Variants in PRKDC observed in about 807,000 individuals in gnomAD.
PRKDC encodes protein kinase, DNA-activated, catalytic subunit.
Under a neutral mutation model 486.9 loss-of-function variants are expected in PRKDC, and 82 were observed. The observed-to-expected ratio is 0.17, with a 90% CI of 0.14 to 0.20. The LOEUF (loss-of-function observed/expected upper bound fraction) is 0.20, where lower values mean the gene tolerates loss of function less well. Ranked by LOEUF, PRKDC falls within the 10% of genes least tolerant of loss-of-function variation. PRKDC has a pLI of 1.00. For missense variants in PRKDC, 4,504 were observed against 5,038.2 expected (o/e 0.89, Z 3.21); for synonymous variants, 1,895 against 1,837.0 (o/e 1.03, Z -0.81).
rs763608956 is a variant in PRKDC at position 47,789,059 on chromosome 8, G to A, written c.10759-10C>T. ...CATCATTGCTCCAATCCTGTCAGGGGAAAAAAAAAGTAAGAAAAAAATCAA... is the reference window on the plus strand; with the variant it reads ...CATCATTGCTCCAATCCTGTCAGGGAAAAAAAAAAGTAAGAAAAAAATCAA... On this transcript the variant is annotated splice_polypyrimidine_tract_variant and intron_variant, in intron 75 of 85. Coordinates refer to ENST00000314191, the MANE Select transcript of PRKDC (RefSeq NM_006904.7). 13 of 1,596,188 alleles carry A rather than the reference G, an allele frequency of 8.1e-6. No individual in the cohort carries two copies. The highest frequency in any genetic ancestry group is 1.4e-5 in the African/African-American group (1 of 73,632).
At chr8:47,945,597 C>T (rs973476196) in intron 7 of PRKDC, among the ~76,000 whole-genome samples, 2 of 152,238 alleles carry the variant, frequency 1.3e-5, no homozygotes, top group African/African-American at 4.8e-5. Flanking sequence ...CTTTTTAAGT[C>T]TAAGTAATGT....
intron 30 of PRKDC, 108 bp downstream of exon 30, chr8:47,897,053 A>G: frequency 8.3e-7 from 1 of 1,211,898 alleles, no homozygotes; most frequent in Non-Finnish European, 1.1e-6. Flanking sequence ...ATCTTAACTG[A>G]ATACCATGTT....
intron 7 of PRKDC, among the ~76,000 whole-genome samples, chr8:47,950,230 C>G (rs1479603550): frequency 8.6e-5 from 13 of 151,184 alleles, no homozygotes; most frequent in Non-Finnish European, 1.9e-4. Context: ...CAAGATCGCG[C>G]CATTGCACTC....
At position 47,794,351 on chromosome 8, in the gene PRKDC, T is replaced by A; in HGVS notation, c.10609A>T (p.Ser3537Cys). The part of the protein sequence containing the change: ...QAIVYPFIIS[S>C]ESYSFKDTST... ...GTATCCTTGAAGGAATAGCTTTCGCTGCTTATGATGAAGGGATAAACAATA... is the reference window on the plus strand; with the variant it reads ...GTATCCTTGAAGGAATAGCTTTCGCAGCTTATGATGAAGGGATAAACAATA... The change falls in exon 74 of 86, where the codon AGC (serine) becomes TGC (cysteine). Residue 3537 changes from serine (S) to cysteine (C), a missense_variant. By Grantham distance (112) the Ser-to-Cys change is moderately radical. This residue lies in a region of PRKDC where 706 missense variants were observed against 945.0 expected (regional missense o/e 0.75). Coordinates refer to ENST00000314191, the MANE Select transcript of PRKDC (RefSeq NM_006904.7). 6.2e-7 allele frequency: 1 copy of A among 1,613,818 alleles called. No homozygotes were observed. The highest frequency in any genetic ancestry group is 8.5e-7 in the Non-Finnish European group (1 of 1,179,812).
chr8:47,869,504 G>A (rs1038514616), intron 40 of PRKDC, among the ~76,000 whole-genome samples: 3 of 151,812 alleles, frequency 2.0e-5, no homozygotes, highest in South Asian at 2.1e-4. Context: ...TTTGGGTGAC[G>A]AATTATCAGT....
At chr8:47,901,018 G>C (rs1168858836) in intron 27 of PRKDC, among the ~76,000 whole-genome samples, 1 of 151,924 alleles carries the variant, frequency 6.6e-6, no homozygotes, top group Non-Finnish European at 1.5e-5. Context: ...GTTGGGTGCA[G>C]TGGTGCACAC....
intron 58 of PRKDC, among the ~76,000 whole-genome samples, chr8:47,835,132 C>T (rs1417255761): frequency 6.6e-6 from 1 of 152,168 alleles, no homozygotes; most frequent in African/African-American, 2.4e-5. Flanking sequence ...AGATATGTTA[C>T]TCTACAATTT....
chr8:47,852,396 CT>C (rs894884202), intron 52 of PRKDC, among the ~76,000 whole-genome samples: 3 of 152,182 alleles, frequency 2.0e-5, no homozygotes, highest in Non-Finnish European at 4.4e-5. Context: ...GTAATAAAAG[CT>C]GGTTAAATAC....
At chr8:47,901,492 A>C (rs991806359) in intron 27 of PRKDC, among the ~76,000 whole-genome samples, 1 of 152,166 alleles carries the variant, frequency 6.6e-6, no homozygotes, top group African/African-American at 2.4e-5. Flanking sequence ...AAAACAAAAA[A>C]AAATAGAAAA....
intron 68 of PRKDC, 43 bp from the exon 69 acceptor site, chr8:47,807,369 G>T: frequency 7.0e-7 from 1 of 1,438,424 alleles, no homozygotes. Flanking sequence ...CTCAGGAATA[G>T]GAAGCTGCTG....
chr8:47,888,927 A>C, intron 33 of PRKDC, 87 bp downstream of exon 33: 1 of 1,352,720 alleles, frequency 7.4e-7, no homozygotes, highest in Non-Finnish European at 1.0e-6. Flanking sequence ...TTCCCTGAGG[A>C]AGCAGGAGCA....
chr8:47,818,638 C>T (rs1288636198), intron 67 of PRKDC, among the ~76,000 whole-genome samples: 1 of 149,858 alleles, frequency 6.7e-6, no homozygotes, highest in Admixed American at 6.7e-5. Flanking sequence ...TAACATAGCT[C>T]CTGAAAGTAG....
chr8:47,858,835 A>T lies in PRKDC; in HGVS notation c.6345+14T>A. Reference sequence around the variant, plus strand: ...GAATATAGTATTAACAGGTAAGATGAGTGGGAAAAGCACCTCTTCTCCTTG... The same window carrying T: ...GAATATAGTATTAACAGGTAAGATGTGTGGGAAAAGCACCTCTTCTCCTTG... On this transcript the variant is annotated intron_variant, in intron 47 of 85. Coordinates refer to ENST00000314191, the MANE Select transcript of PRKDC (RefSeq NM_006904.7). The T allele has an allele frequency of 6.2e-7, 1 of 1,611,236 alleles. No individual in the cohort carries two copies. Among genetic ancestry groups the T allele is most frequent in the Non-Finnish European group, 8.5e-7 (1 of 1,178,016 alleles).
chr8:47,906,512 T>G (rs769291587), intron 25 of PRKDC, among the ~76,000 whole-genome samples: 1 of 151,080 alleles, frequency 6.6e-6, no homozygotes, highest in Non-Finnish European at 1.5e-5. Context: ...TGGTCACCTG[T>G]AACCCCAGCT....
intron 37 of PRKDC, 73 bp downstream of exon 37, chr8:47,881,839 C>A: frequency 7.7e-7 from 1 of 1,295,256 alleles, no homozygotes; most frequent in South Asian, 1.8e-5. Flanking sequence ...GAGCAACCTC[C>A]ATCAAATTTT....
At chr8:47,837,524 G>A in intron 56 of PRKDC, 105 bp from the exon 57 acceptor site, 1 of 860,786 alleles carries the variant, frequency 1.2e-6, no homozygotes, top group Non-Finnish European at 1.8e-6. Flanking sequence ...TCACCCACAT[G>A]AAGCTTAACA....
At chr8:47,883,248 G>A (rs1238949874) in intron 36 of PRKDC, among the ~76,000 whole-genome samples, 1 of 152,202 alleles carries the variant, frequency 6.6e-6, no homozygotes, top group Non-Finnish European at 1.5e-5. Flanking sequence ...TTCAAGTCTT[G>A]CAATGTCCAC....
chr8:47,811,985 A>G (rs1320453661), intron 68 of PRKDC, among the ~76,000 whole-genome samples: 1 of 152,204 alleles, frequency 6.6e-6, no homozygotes, highest in Non-Finnish European at 1.5e-5. Flanking sequence ...CACAAAAAAA[A>G]AGTATTTCCA....
intron 68 of PRKDC, among the ~76,000 whole-genome samples, chr8:47,809,199 TCTTTTTC>T (rs1316826150): frequency 2.6e-5 from 4 of 151,898 alleles, no homozygotes; most frequent in African/African-American, 4.8e-5. Flanking sequence ...GCTTCACATC[TCTTTTTC>T]CTTTTTCCTC....
Sources: gnomAD v4.1 joint callset for allele counts (sites outside exome capture counted in the v4.1 genomes callset) on GRCh38, gnomAD v4.1.1 for gene constraint, gnomAD v4.1.1 regional missense constraint, MANE v1.5 for transcripts, NCBI Gene and HGNC (gene_info 2026-07-23, HGNC 2026-07-21) for gene names.